HCFC1: variants seen among roughly 807,000 people sequenced by gnomAD.
The protein encoded by HCFC1 is host cell factor 1.
In HCFC1, 7 loss-of-function variants were observed where a neutral mutation model predicts 105.5. The ratio of observed to expected loss-of-function variants is 0.07; its 90% CI spans 0.04 to 0.12. The LOEUF is 0.12. HCFC1 is among the 10% of genes least tolerant of loss of function. The probability of loss-of-function intolerance (pLI) is 1.00; values close to 1 mark genes in which losing one functional copy is unlikely to be tolerated. For missense variants in HCFC1, 1,065 were observed against 1,823.6 expected (o/e 0.58, Z 7.58); for synonymous variants, 918 against 828.1 (o/e 1.11, Z -1.86).
intron 16 of HCFC1, 61 bp downstream of exon 16, chrX:153,956,130 C>T (rs1239149915): frequency 1.9e-6 from 2 of 1,048,681 alleles, no homozygotes; most frequent in Non-Finnish European, 2.6e-6. Flanking sequence ...CGGCGTGAGC[C>T]TCACGTGCTT....
intron 3 of HCFC1, among the ~76,000 whole-genome samples, chrX:153,963,650 C>T (rs1178652134): frequency 3.6e-5 from 4 of 112,098 alleles, no homozygotes; most frequent in African/African-American, 1.3e-4. Flanking sequence ...TGAGGCTGCA[C>T]AGCAGCCCCG....
In HCFC1 at chrX:153,955,113, AGGTGGCGGT is replaced by A. The variant is rs782405498; in HGVS notation, c.3277_3285del (p.Thr1093_Thr1095del). 46 of 1,198,856 alleles carry A rather than the reference AGGTGGCGGT, an allele frequency of 3.8e-5. No homozygotes were observed. Among genetic ancestry groups the A allele is most frequent in the East Asian group, 2.4e-4 (8 of 33,217 alleles). Reference sequence around the variant, plus strand: ...CAGCCATGCTGCCCGGCCATGTTGGAGGTGGCGGTGGTGGCGGTGTTGGTGGTGCCCGTC... The same window carrying A: ...CAGCCATGCTGCCCGGCCATGTTGGAGGTGGCGGTGTTGGTGGTGCCCGTC... On this transcript the variant is annotated inframe_deletion, in exon 17 of 26. Transcript: ENST00000310441.
In HCFC1 at chrX:153,971,418, GA is replaced by G. The variant is rs1288727692; in HGVS notation, c.-579del. 3.4e-6 allele frequency: 1 copy of G among 293,890 alleles called. No individual in the cohort carries two copies. The highest frequency in any genetic ancestry group is 5.9e-6 in the Non-Finnish European group (1 of 168,713). 24.2% of individuals were successfully genotyped at this position (293,890 alleles called of 1,213,427 possible). On this transcript the variant is annotated 5_prime_UTR_variant, in exon 1 of 26. Transcript: ENST00000310441. Reference sequence around the variant, plus strand: ...GCGCCTTAGTGCAGCCGCCGCTCCCGAAACAGCCTCGACACACCTAACGAAT... The same window carrying G: ...GCGCCTTAGTGCAGCCGCCGCTCCCGAACAGCCTCGACACACCTAACGAAT...
At chrX:153,969,814 C>T (rs1166052699) in intron 1 of HCFC1, 1 of 113,127 alleles carries the variant, frequency 8.8e-6, no homozygotes, top group Non-Finnish European at 1.9e-5. Flanking sequence ...GGGTAACCCC[C>T]TGGATCCGCA....
At chrX:153,960,510 T>A in intron 6 of HCFC1, 96 bp from the exon 7 acceptor site, 1 of 565,968 alleles carries the variant, frequency 1.8e-6, no homozygotes, top group Non-Finnish European at 2.7e-6. Context: ...GGATGGGAAT[T>A]AAAATCAAGA....
rs1557115887 is a variant in HCFC1, at chrX:153,958,689, A to G, written c.1683T>C (p.Pro561=). 1.1e-5 allele frequency: 13 copies of G among 1,200,336 alleles called. No homozygotes were observed. The highest frequency in any genetic ancestry group is 1.5e-5 in the Non-Finnish European group (13 of 888,789). The change falls in exon 10 of 26, where the codon CCT becomes CCC. Residue 561 remains proline, a synonymous_variant. Coordinates refer to ENST00000310441, the MANE Select transcript of HCFC1 (RefSeq NM_005334.3). ...CACTCAGCACCGTGGGTGCCGAGGAAGGGGGGATCTTCTGGGTGGCAGCGG... is the reference window on the plus strand; with the variant it reads ...CACTCAGCACCGTGGGTGCCGAGGAGGGGGGGATCTTCTGGGTGGCAGCGG... ...AAAAATQKIP[P]SSAPTVLSVP...
In HCFC1 at chrX:153,971,493, T is replaced by C; in HGVS notation, c.-653A>G. ...AACCAGCTCGAGCTCTCGAGGGCCG[T>C]TTGGGGGCTCGCGCCGTACGGCTTG... is the stretch of plus-strand genomic sequence containing the variant. On this transcript the variant is annotated 5_prime_UTR_variant, in exon 1 of 26. Transcript: ENST00000310441. The C allele has an allele frequency of 3.4e-6, 1 of 293,195 alleles. No individual in the cohort carries two copies. The highest frequency in any genetic ancestry group is 8.9e-4 in the Middle Eastern group (1 of 1,119). The allele number at this position is 293,195 out of a possible 1,213,427, so 24.2% of individuals were successfully genotyped here. A position where few individuals can be genotyped will look rare whatever the true frequency, so the allele number is the denominator to read the frequency against.
At position 153,958,710 on chromosome X, in the gene HCFC1, A is replaced by G; in HGVS notation, c.1662T>C (p.Ala554=). 1 of 1,192,241 alleles carries G rather than the reference A, an allele frequency of 8.4e-7. No homozygotes were observed. The highest frequency in any genetic ancestry group is 1.1e-6 in the Non-Finnish European group (1 of 884,685). ...AGGAAGGGGGGATCTTCTGGGTGGC[A>G]GCGGCCGCAGCGGCCAGTGCGGCCA... ...SGMAALAAAA[A]ATQKIPPSSA... Residue 554 remains alanine (A), a synonymous_variant, in exon 10 of 26, where the codon GCT becomes GCC. Transcript: ENST00000310441.
At position 153,964,276 on chromosome X, in the gene HCFC1, C is replaced by G. The variant is rs202217162; in HGVS notation, c.351G>C (p.Arg117=). 1 of 1,174,038 alleles carries G rather than the reference C, an allele frequency of 8.5e-7. No homozygotes were observed. The highest frequency in any genetic ancestry group is 1.8e-5 in the African/African-American group (1 of 55,911). The stretch of plus-strand genomic sequence containing the variant: ...TTGCTTTGAGTCTCTTCCACTCCCA[C>G]CGGCTCGCCTGCAAAATCAAGACCT... ...SNDLYELQAS[R]WEWKRLKAKT... is the part of the protein sequence containing the mutation. The change falls in exon 3 of 26, where the codon CGG becomes CGC. Residue 117 remains arginine, a synonymous_variant. Transcript: ENST00000310441.
chrX:153,952,254 G>A (rs1179190792), intron 19 of HCFC1, 96 bp from the exon 20 acceptor site: 5 of 1,071,033 alleles, frequency 4.7e-6, no homozygotes, highest in Middle Eastern at 3.7e-4. Context: ...TAGAGACCCC[G>A]TCCACCTCCT....
In HCFC1 at chrX:153,951,629, G is replaced by A. The variant is rs2065312723; in HGVS notation, c.5339C>T (p.Thr1780Ile). 2 of 1,211,062 alleles carry A rather than the reference G, an allele frequency of 1.7e-6. No individual in the cohort carries two copies. The highest frequency in any genetic ancestry group is 2.2e-6 in the Non-Finnish European group (2 of 895,175). ...GATGCCATTGGCCACTTCGGTCAGG[G>A]TAGCTGCAGCCTGCAGCTTGGCTGG... ...ASPAKLQAAA[T>I]LTEVANGIES... Residue 1780 changes from threonine to isoleucine, a missense_variant, in exon 21 of 26, where the codon ACC becomes ATC. Physicochemically the swap from Thr to Ile is moderately conservative, Grantham distance 89. Around this residue, in one of 17 missense-constraint regions of HCFC1, gnomAD observed 115 missense variants for 143.7 expected, o/e 0.80. Coordinates refer to ENST00000310441, the MANE Select transcript of HCFC1 (RefSeq NM_005334.3).
chrX:153,967,244 C>A (rs1172702293), intron 1 of HCFC1, among the ~76,000 whole-genome samples: 1 of 112,145 alleles, frequency 8.9e-6, no homozygotes, highest in East Asian at 2.8e-4. Flanking sequence ...AATCCTTGGG[C>A]CCCTCATCCT....
intron 8 of HCFC1, 148 bp from the exon 9 acceptor site, chrX:153,959,639 T>C: frequency 1.1e-6 from 1 of 938,839 alleles, no homozygotes; most frequent in Non-Finnish European, 1.5e-6. Flanking sequence ...TTTCCACAGG[T>C]GGGGCCAGGC....
At chrX:153,957,629 ATGTTCTGGAGGCTGTGGGCGAGGGGAG>A in intron 12 of HCFC1, 96 bp from the exon 13 acceptor site, 1 of 830,089 alleles carries the variant, frequency 1.2e-6, no homozygotes, top group Non-Finnish European at 1.7e-6. Flanking sequence ...GGCTCAGGGA[ATGTTCTGGAGGCTGTGGGCGAGGGGAG>A]TGAGCAGCAG....
chrX:153,970,499 G>A (rs1468613516), intron 1 of HCFC1, 149 bp downstream of exon 1: 18 of 392,642 alleles, frequency 4.6e-5, no homozygotes, highest in South Asian at 4.0e-4. Flanking sequence ...GGGAGGAGGG[G>A]AGAGAGAGAG....
intron 18 of HCFC1, among the ~76,000 whole-genome samples, chrX:153,953,285 C>T (rs2065333099): frequency 8.9e-6 from 1 of 111,901 alleles, no homozygotes; most frequent in African/African-American, 3.3e-5. Context: ...CCCTTGAGAC[C>T]CCCGGTCAGG....
chrX:153,957,096 C>G, intron 13 of HCFC1, 36 bp from the exon 14 acceptor site: 1 of 1,187,195 alleles, frequency 8.4e-7, no homozygotes, highest in Middle Eastern at 3.2e-4. Flanking sequence ...GAGACAGGCT[C>G]TGTGAGGGCT....
Position 153,955,689 on chromosome X carries a change from C to T in HCFC1, c.2857-147G>A, listed in dbSNP as rs1257496584. On this transcript the variant is annotated intron_variant, in intron 16 of 25. Coordinates refer to ENST00000310441, the MANE Select transcript of HCFC1 (RefSeq NM_005334.3). The stretch of plus-strand genomic sequence containing the variant: ...GACGTAAGACCCACTCACCCCTGCC[C>T]CCAAGACACTGACTTGCTCAGAGGC... 8.9e-6 allele frequency: 5 copies of T among 562,892 alleles called. No individual in the cohort carries two copies. The South Asian group carries it at 1.8e-4, about 20-fold the overall frequency. The allele number at this position is 562,892 out of a possible 1,213,427, so 46.4% of individuals were successfully genotyped here.
At chrX:153,969,367 A>G (rs1270831224) in intron 1 of HCFC1, 3 of 110,487 alleles carry the variant, frequency 2.7e-5, no homozygotes, top group African/African-American at 6.6e-5. Flanking sequence ...GCCGCGGAGC[A>G]AGGGGTTAGT....
Sources: allele counts gnomAD v4.1 joint callset (sites outside exome capture counted in the v4.1 genomes callset), GRCh38; gene constraint gnomAD v4.1.1; regional missense constraint gnomAD v4.1.1; transcripts MANE v1.5; gene names NCBI Gene and HGNC (gene_info 2026-07-23, HGNC 2026-07-21).